CDYL: variants seen among roughly 807,000 people sequenced by gnomAD.
The protein encoded by CDYL is chromodomain Y like, also known as chromodomain Y-like protein.
Under a neutral mutation model 47.3 loss-of-function variants are expected in CDYL, and 8 were observed. The ratio of observed to expected loss-of-function variants is 0.17; its 90% CI spans 0.10 to 0.31. The LOEUF is 0.31. Among genes scored for constraint, CDYL ranks in the 10% least tolerant of loss-of-function variants. The pLI, the probability that CDYL is intolerant of heterozygous loss-of-function variation, is 1.00. For missense variants in CDYL, 471 were observed against 701.4 expected (o/e 0.67, Z 3.71); for synonymous variants, 266 against 265.0 (o/e 1.00, Z -0.04).
rs142018278 is a variant in CDYL, at chr6:4,881,970, G to A, written c.25-9743G>A. Among the ~76,000 whole-genome samples the A allele has an allele frequency of 9.8e-5, 15 of 152,330 alleles. No homozygotes were observed. The East Asian group carries it at 2.9e-3, about 29-fold the overall frequency. On this transcript the variant is annotated intron_variant, in intron 1 of 6. Coordinates refer to ENST00000397588, the MANE Select transcript of CDYL (RefSeq NM_004824.4). The stretch of plus-strand genomic sequence containing the variant: ...AAGACAAAAGTCATTTCTCCTGCCA[G>A]AGGCTGGAGCAGGCATGCTCACTAT...
At position 4,922,244 on chromosome 6, in the gene CDYL, C is replaced by G. The variant is rs112789003; in HGVS notation, c.692-13271C>G. Among the ~76,000 whole-genome samples the G allele has an allele frequency of 2.3e-3, 346 of 152,154 alleles. 3 individuals are homozygous for G. The highest frequency in any genetic ancestry group is 7.9e-3 in the African/African-American group (329 of 41,504). On this transcript the variant is annotated intron_variant, in intron 2 of 6. Transcript: ENST00000397588. ...GGGTCCACAGATGCTGGTTGCCGAC[C>G]CGTTGCCTCAGTATCTGTGTCTCTG...
chr6:4,928,300 C>T (rs1035130451), intron 2 of CDYL, among the ~76,000 whole-genome samples: 1 of 151,998 alleles, frequency 6.6e-6, no homozygotes, highest in East Asian at 1.9e-4. Context: ...TTTTATGTTT[C>T]TTAGTACAAT....
At chr6:4,716,593 ATTTTTTTT>A (rs35154777) in intron 2 of CDYL, among the ~76,000 whole-genome samples, 1 of 120,004 alleles carries the variant, frequency 8.3e-6, no homozygotes, top group Non-Finnish European at 1.7e-5. Context: ...GGCAGCAATA[ATTTTTTTT>A]TTTTTTTTTT....
At chr6:4,778,679 GAAA>G (rs1013660539) in intron 1 of CDYL, among the ~76,000 whole-genome samples, 1 of 151,756 alleles carries the variant, frequency 6.6e-6, no homozygotes, top group African/African-American at 2.4e-5. Context: ...TTTAGTTTTG[GAAA>G]AAAAGGTATT....
intron 3 of CDYL, among the ~76,000 whole-genome samples, chr6:4,738,918 T>C (rs1757749208): frequency 6.6e-6 from 1 of 152,178 alleles, no homozygotes; most frequent in South Asian, 2.1e-4. Flanking sequence ...TCCCAGCACT[T>C]TGGGAGGCCG....
chr6:4,818,378 A>T (rs1759732598), intron 1 of CDYL, among the ~76,000 whole-genome samples: 1 of 152,192 alleles, frequency 6.6e-6, no homozygotes, highest in African/African-American at 2.4e-5. Context: ...TGAAAGGGAG[A>T]TTTTCTAAGC....
chr6:4,735,111 AC>A (rs1019570705), intron 3 of CDYL, among the ~76,000 whole-genome samples: 4 of 152,056 alleles, frequency 2.6e-5, no homozygotes, highest in African/African-American at 9.6e-5. Flanking sequence ...ACATGGAGAA[AC>A]CCCGTCTCTA....
intron 2 of CDYL, among the ~76,000 whole-genome samples, chr6:4,727,864 T>C (rs765051688): frequency 6.6e-6 from 1 of 152,122 alleles, no homozygotes; most frequent in Non-Finnish European, 1.5e-5. Context: ...GTTGACTTTT[T>C]TCTTTCTGTG....
At chr6:4,845,389 A>G (rs745976196) in intron 1 of CDYL, among the ~76,000 whole-genome samples, 3 of 152,254 alleles carry the variant, frequency 2.0e-5, no homozygotes, top group Non-Finnish European at 4.4e-5. Context: ...AGTGCCAAAG[A>G]GAATGGGTAC....
intron 1 of CDYL, among the ~76,000 whole-genome samples, chr6:4,876,139 G>T (rs1360558622): frequency 6.6e-6 from 1 of 152,052 alleles, no homozygotes; most frequent in African/African-American, 2.4e-5. Flanking sequence ...CTTGTTGTTT[G>T]TTGTTGTTGT....
chr6:4,706,564 G>A (rs978625475), intron 1 of CDYL, among the ~76,000 whole-genome samples: 13 of 152,082 alleles, frequency 8.5e-5, no homozygotes, highest in Middle Eastern at 3.4e-3. Context: ...AGGCCAAGGC[G>A]GGCTGAGGTC....
At chr6:4,876,859 G>A (rs982095575) in intron 1 of CDYL, among the ~76,000 whole-genome samples, 6 of 152,210 alleles carry the variant, frequency 3.9e-5, no homozygotes, top group African/African-American at 7.2e-5. Context: ...CTGAATGTTT[G>A]TGTCCTGCCA....
At chr6:4,916,198 C>A (rs888941746) in intron 2 of CDYL, among the ~76,000 whole-genome samples, 12 of 152,220 alleles carry the variant, frequency 7.9e-5, no homozygotes, top group Admixed American at 4.6e-4. Context: ...TCCTTAACCT[C>A]GGTAAAATAC....
At chr6:4,815,706 T>C (rs1289346961) in intron 1 of CDYL, among the ~76,000 whole-genome samples, 24 of 151,376 alleles carry the variant, frequency 1.6e-4, no homozygotes, top group South Asian at 8.4e-4. Flanking sequence ...CTTTTTTTTT[T>C]CCCTTGTCCA....
intron 1 of CDYL, among the ~76,000 whole-genome samples, chr6:4,840,025 CA>C (rs1270524523): frequency 6.6e-6 from 1 of 152,152 alleles, no homozygotes. Flanking sequence ...GCCATTTTCA[CA>C]ATATTGATTC....
chr6:4,850,223 CTTG>C (rs1247853918), intron 1 of CDYL, among the ~76,000 whole-genome samples: 1 of 152,142 alleles, frequency 6.6e-6, no homozygotes, highest in Non-Finnish European at 1.5e-5. Flanking sequence ...TCAGCAAATA[CTTG>C]TTGAGTGTCT....
At position 4,795,802 on chromosome 6, in the gene CDYL, G is replaced by A. The variant is rs1226564446; in HGVS notation, c.24+18995G>A. Among the ~76,000 whole-genome samples the A allele has an allele frequency of 6.0e-5, 9 of 151,126 alleles. No individual in the cohort carries two copies. The East Asian group carries it at 1.4e-3, about 23-fold the overall frequency. The stretch of plus-strand genomic sequence containing the variant: ...GGTTCTTTATTTCCTTCTGCCTTTA[G>A]GTTATTTGGTTCTTTTTATAGCTCA... On this transcript the variant is annotated intron_variant, in intron 1 of 6. Coordinates refer to ENST00000397588, the MANE Select transcript of CDYL (RefSeq NM_004824.4).
intron 1 of CDYL, among the ~76,000 whole-genome samples, chr6:4,715,100 G>A (rs999177773): frequency 2.0e-5 from 3 of 152,042 alleles, no homozygotes; most frequent in African/African-American, 4.8e-5. Context: ...CCAACCACTC[G>A]CCACTCTGAA....
chr6:4,724,035 TCC>T (rs1757430656), intron 2 of CDYL, among the ~76,000 whole-genome samples: 1 of 152,152 alleles, frequency 6.6e-6, no homozygotes, highest in Non-Finnish European at 1.5e-5. Flanking sequence ...CCTGCATCTG[TCC>T]CCTCACTTTT....
Sources: gnomAD v4.1 joint callset for allele counts (sites outside exome capture counted in the v4.1 genomes callset) on GRCh38, gnomAD v4.1.1 for gene constraint, MANE v1.5 for transcripts, NCBI Gene and HGNC (gene_info 2026-07-23, HGNC 2026-07-21) for gene names.